The following FOXO3B variants were observed in gnomAD, a reference collection of about 807,000 sequenced individuals.
FOXO3B encodes forkhead box O3B, also known as forkhead box protein O3B.
A neutral mutation model predicts 21.9 loss-of-function variants in FOXO3B; 15 were observed. The observed-to-expected ratio is 0.68, with a 90% CI of 0.46 to 1.05. FOXO3B has a LOEUF of 1.05. Ranked by LOEUF, FOXO3B falls within the 50% of genes least tolerant of loss-of-function variation. The pLI is 0.00. For missense variants in FOXO3B, 293 were observed against 435.5 expected, an observed-to-expected ratio of 0.67 and a Z score of 2.91; for synonymous variants, 135 against 213.6, an observed-to-expected ratio of 0.63 and a Z score of 3.21.
At chr17:18,681,099 C>T (rs1222984091) in intron 2 of FOXO3B, among the ~76,000 whole-genome samples, 1 of 151,890 alleles carries the variant, frequency 6.6e-6, no homozygotes, top group Non-Finnish European at 1.5e-5. Flanking sequence ...AGTAAATTTC[C>T]CAGCTTAATC....
intron 3 of FOXO3B, among the ~76,000 whole-genome samples, chr17:18,674,640 G>GGC (rs2032449878): frequency 8.5e-6 from 1 of 117,300 alleles, no homozygotes; most frequent in African/African-American, 5.2e-5. Context: ...AAAAAAAAAA[G>GGC]GGGGGGGGGA....
At chr17:18,677,213 G>A (rs994798665) in intron 3 of FOXO3B, 3 of 1,469,206 alleles carry the variant, frequency 2.0e-6, no homozygotes, top group African/African-American at 1.4e-5. Context: ...TACCAACAGT[G>A]AGTATGTATC....
intron 3 of FOXO3B, chr17:18,677,766 C>G (rs1298318856): frequency 9.5e-6 from 14 of 1,481,146 alleles, no homozygotes; most frequent in Non-Finnish European, 7.4e-6. Flanking sequence ...GTAGTGGGCT[C>G]TCTTCCTCCT....
Position 18,667,779 on chromosome 17 carries a change from C to A in FOXO3B, c.*4530G>T, listed in dbSNP as rs1032614297. ...GAGAGAACAGCAGATCCCAAGAGCGCATGTCATGTTTTCAACATTAGGTAC... is the reference window on the plus strand; with the variant it reads ...GAGAGAACAGCAGATCCCAAGAGCGAATGTCATGTTTTCAACATTAGGTAC... On this transcript the variant is annotated 3_prime_UTR_variant, in exon 4 of 4. Transcript: ENST00000395675. 1.3e-5 allele frequency: 2 copies of A among 151,878 alleles called. No homozygotes were observed. The highest frequency in any genetic ancestry group is 2.4e-5 in the African/African-American group (1 of 40,904). 9.4% of individuals were successfully genotyped at this position (151,878 alleles called of 1,614,324 possible).
At chr17:18,677,852 G>A in intron 3 of FOXO3B, 5 of 1,085,320 alleles carry the variant, frequency 4.6e-6, no homozygotes, top group African/African-American at 1.7e-5. Context: ...GGCTGGGGTC[G>A]GGGAGGGTAC....
At position 18,671,363 on chromosome 17, in the gene FOXO3B, G is replaced by C; in HGVS notation, c.*946C>G. 1 of 1,613,750 alleles carries C rather than the reference G, an allele frequency of 6.2e-7. No homozygotes were observed. Among genetic ancestry groups the C allele is most frequent in the South Asian group, 1.1e-5 (1 of 91,042 alleles). ...TGACCACACTTCCCTGGTTAGGCTG[G>C]GCAGCAAAGGACATCATCGGATCAT... On this transcript the variant is annotated 3_prime_UTR_variant, in exon 4 of 4. Coordinates refer to ENST00000395675, the MANE Select transcript of FOXO3B (RefSeq NM_001368135.1).
intron 3 of FOXO3B, among the ~76,000 whole-genome samples, chr17:18,674,639 A>AAAAG (rs61684359): frequency 8.2e-5 from 10 of 121,408 alleles, no homozygotes; most frequent in African/African-American, 3.2e-4. Context: ...AAAAAAAAAA[A>AAAAG]GGGGGGGGGG....
intron 3 of FOXO3B, among the ~76,000 whole-genome samples, chr17:18,678,274 C>T (rs1394061194): frequency 6.6e-6 from 1 of 152,158 alleles, no homozygotes; most frequent in East Asian, 1.9e-4. Context: ...TTTAAAAAGC[C>T]ACATCCTATA....
chr17:18,671,814 G>A lies in FOXO3B; in HGVS notation c.*495C>T, dbSNP rs9635680. The A allele has an allele frequency of 0.36, 503,453 of 1,407,384 alleles. 107,367 individuals carry two copies. The highest frequency in any genetic ancestry group is 0.54 in the African/African-American group (38,345 of 71,176). The allele number at this position is 1,407,384 out of a possible 1,614,324, so 87.2% of individuals were successfully genotyped here. A position where few individuals can be genotyped will look rare whatever the true frequency, so the allele number is the denominator to read the frequency against. ...CATTCAGATTCATGGTGCCTGCCAT[G>A]TCAGTCAGCCGTAGCAGTTCCACCG... On this transcript the variant is annotated 3_prime_UTR_variant, in exon 4 of 4. Transcript: ENST00000395675.
At position 18,671,756 on chromosome 17, in the gene FOXO3B, C is replaced by G. The variant is rs1251354499; in HGVS notation, c.*553G>C. 1 of 1,613,648 alleles carries G rather than the reference C, an allele frequency of 6.2e-7. No individual in the cohort carries two copies. Among genetic ancestry groups the G allele is most frequent in the Non-Finnish European group, 8.5e-7 (1 of 1,179,892 alleles). On this transcript the variant is annotated 3_prime_UTR_variant, in exon 4 of 4. Coordinates refer to ENST00000395675, the MANE Select transcript of FOXO3B (RefSeq NM_001368135.1). ...ATGGCGGGAGCGTGATGTTATCCAG[C>G]AGGTCGTCCATGAGGTTTTCAGTCA...
chr17:18,675,496 T>C (rs2032467079), intron 3 of FOXO3B, among the ~76,000 whole-genome samples: 2 of 152,114 alleles, frequency 1.3e-5, no homozygotes, highest in Non-Finnish European at 2.9e-5. Flanking sequence ...ATATCCATAA[T>C]CACAGGGAAA....
Position 18,670,857 on chromosome 17 carries a change from T to C in FOXO3B, c.*1452A>G. ...AAGGGTTTTCTCTGTAGGTCTTGTG[T>C]CAGTTTGAGGGTCTGCTTTGCCCAC... is the stretch of plus-strand genomic sequence containing the variant. On this transcript the variant is annotated 3_prime_UTR_variant, in exon 4 of 4. Coordinates refer to ENST00000395675, the MANE Select transcript of FOXO3B (RefSeq NM_001368135.1). The C allele has an allele frequency of 6.3e-7, 1 of 1,579,844 alleles. No individual in the cohort carries two copies. The highest frequency in any genetic ancestry group is 1.7e-5 in the Admixed American group (1 of 57,506).
intron 3 of FOXO3B, among the ~76,000 whole-genome samples, chr17:18,679,488 C>T (rs887634531): frequency 8.0e-5 from 12 of 150,584 alleles, no homozygotes; most frequent in Non-Finnish European, 1.6e-4. Flanking sequence ...TTCACTCTCA[C>T]CCAGGCTGGA....
At chr17:18,677,696 G>C (rs1386749602) in intron 3 of FOXO3B, 1 of 1,602,484 alleles carries the variant, frequency 6.2e-7, no homozygotes, top group South Asian at 1.1e-5. Flanking sequence ...ATGCTGGCGA[G>C]CGCGATAAGA....
At chr17:18,680,569 G>C (rs1355853638) in intron 3 of FOXO3B, among the ~76,000 whole-genome samples, 172 bp downstream of exon 3, 1 of 150,344 alleles carries the variant, frequency 6.7e-6, no homozygotes, top group African/African-American at 2.5e-5. Flanking sequence ...AGTGTTATAA[G>C]TAGAAAACAT....
chr17:18,677,560 G>T, intron 3 of FOXO3B: 3 of 1,603,572 alleles, frequency 1.9e-6, no homozygotes, highest in Non-Finnish European at 2.6e-6. Context: ...ATCCACGGGG[G>T]CGCCGGCGGG....
chr17:18,677,739 C>T (rs2032518635), intron 3 of FOXO3B: 6 of 1,559,760 alleles, frequency 3.8e-6, no homozygotes, highest in Non-Finnish European at 5.2e-6. Context: ...GGACAAGAAG[C>T]GGGCGCTACG....
chr17:18,672,350 A>G lies in FOXO3B; in HGVS notation c.832T>C (p.Tyr278His). ...TTGCTGTTGCCCTTATCCTTGAAGT[A>G]GGGCACGCAACTCACCATCCACTCG... is the stretch of plus-strand genomic sequence containing the variant. ...IYEWMVSCVP[Y>H]FKDKGNSNSS... Residue 278 changes from tyrosine to histidine, a missense_variant, in exon 4 of 4, where the codon TAC becomes CAC. Tyr to His is a moderately conservative substitution (Grantham distance 83). This residue lies in a region of FOXO3B where 42 missense variants were observed against 31.5 expected (regional missense o/e 1.33). Coordinates refer to ENST00000395675, the MANE Select transcript of FOXO3B (RefSeq NM_001368135.1). This position sits in a 1 kb window ranked among gnomAD's most constrained non-coding sequence, Gnocchi z 4.2. The G allele has an allele frequency of 6.2e-7, 1 of 1,611,886 alleles. No homozygotes were observed. The highest frequency in any genetic ancestry group is 8.5e-7 in the Non-Finnish European group (1 of 1,178,978).
At position 18,667,702 on chromosome 17, in the gene FOXO3B, T is replaced by C. The variant is rs556526540; in HGVS notation, c.*4607A>G. ...CTCATGCCAGGACAGTGAAGGCTTG[T>C]GATAAAGCTCTTTCCTAGCTTTGGT... On this transcript the variant is annotated 3_prime_UTR_variant, in exon 4 of 4. Coordinates refer to ENST00000395675, the MANE Select transcript of FOXO3B (RefSeq NM_001368135.1). 2 of 151,772 alleles carry C rather than the reference T, an allele frequency of 1.3e-5. No homozygotes were observed. The allele number at this position is 151,772 out of a possible 1,614,324, so 9.4% of individuals were successfully genotyped here.
Sources: allele counts gnomAD v4.1 joint callset (sites outside exome capture counted in the v4.1 genomes callset), GRCh38; gene constraint gnomAD v4.1.1; regional missense constraint gnomAD v4.1.1; non-coding constraint Gnocchi (gnomAD v3.1); transcripts MANE v1.5; gene names NCBI Gene and HGNC (gene_info 2026-07-23, HGNC 2026-07-21).